KIAA1217: variants seen among roughly 807,000 people sequenced by gnomAD.
KIAA1217 encodes sickle tail protein homolog.
In KIAA1217, 88 loss-of-function variants were observed where a neutral mutation model predicts 163.9. The observed-to-expected ratio is 0.54, with a 90% CI of 0.45 to 0.64. The LOEUF is 0.64. Among genes scored for constraint, KIAA1217 ranks in the 30% least tolerant of loss-of-function variants. The pLI is 0.00. For synonymous variants in KIAA1217, 903 were observed against 923.1 expected (o/e 0.98, Z 0.39); for missense variants, 2,372 against 2,475.0 (o/e 0.96, Z 0.88).
chr10:24,061,473 C>T (rs542834148), intron 2 of KIAA1217, among the ~76,000 whole-genome samples: 2 of 152,224 alleles, frequency 1.3e-5, no homozygotes, highest in South Asian at 4.2e-4. Flanking sequence ...ATATATTTAC[C>T]TTTACCAGTG....
intron 1 of KIAA1217, among the ~76,000 whole-genome samples, chr10:23,764,539 C>T (rs528726832): frequency 6.6e-6 from 1 of 152,214 alleles, no homozygotes; most frequent in South Asian, 2.1e-4. Context: ...AACATGGAAC[C>T]AACCCAAATG....
chr10:23,896,188 G>A (rs1366980930), intron 1 of KIAA1217, among the ~76,000 whole-genome samples: 1 of 151,218 alleles, frequency 6.6e-6, no homozygotes, highest in Non-Finnish European at 1.5e-5. Context: ...ATAATCAAAG[G>A]CAAATGGCTC....
chr10:23,962,182 G>A (rs1170142025), intron 1 of KIAA1217, among the ~76,000 whole-genome samples: 1 of 152,314 alleles, frequency 6.6e-6, no homozygotes, highest in African/African-American at 2.4e-5. Flanking sequence ...GTAGAGTAGT[G>A]AAGAAATGTA....
At chr10:24,187,838 C>G (rs1247431888) in intron 2 of KIAA1217, among the ~76,000 whole-genome samples, 4 of 151,342 alleles carry the variant, frequency 2.6e-5, no homozygotes, top group Non-Finnish European at 5.9e-5. Context: ...TGCAGTGAGC[C>G]AAGATCGCAC....
intron 5 of KIAA1217, among the ~76,000 whole-genome samples, chr10:24,447,126 G>A (rs971941914): frequency 1.2e-4 from 18 of 151,514 alleles, no homozygotes; most frequent in South Asian, 6.3e-4. Flanking sequence ...TCCCTGCCCC[G>A]CTCTCTTTGT....
chr10:24,011,856 G>A (rs1372876184), intron 2 of KIAA1217, among the ~76,000 whole-genome samples: 1 of 152,122 alleles, frequency 6.6e-6, no homozygotes, highest in African/African-American at 2.4e-5. Context: ...AATCATGGCA[G>A]TCTCTGCCAC....
intron 1 of KIAA1217, among the ~76,000 whole-genome samples, chr10:23,872,285 A>G (rs1294081167): frequency 6.8e-6 from 1 of 147,070 alleles, no homozygotes; most frequent in Non-Finnish European, 1.5e-5. Flanking sequence ...TCTGGGTAGG[A>G]CCAATAGATT....
intron 2 of KIAA1217, among the ~76,000 whole-genome samples, chr10:24,305,647 C>T (rs750453223): frequency 6.6e-6 from 1 of 152,154 alleles, no homozygotes; most frequent in Non-Finnish European, 1.5e-5. Flanking sequence ...TAGTTAGCTA[C>T]GTTATGTTTC....
intron 3 of KIAA1217, among the ~76,000 whole-genome samples, chr10:24,416,729 A>G (rs1344591845): frequency 6.6e-6 from 1 of 152,088 alleles, no homozygotes; most frequent in Non-Finnish European, 1.5e-5. Context: ...GCAGCAAGCC[A>G]TCTTCCCTCC....
intron 2 of KIAA1217, among the ~76,000 whole-genome samples, chr10:24,335,610 T>TTATTTATA (rs2046257363): frequency 6.9e-6 from 1 of 145,114 alleles, no homozygotes; most frequent in Non-Finnish European, 1.5e-5. Context: ...ATTTATTTAT[T>TTATTTATA]TATTTATTTA....
intron 2 of KIAA1217, among the ~76,000 whole-genome samples, chr10:24,133,720 G>A (rs2063738931): frequency 1.3e-5 from 2 of 152,280 alleles, no homozygotes; most frequent in South Asian, 4.1e-4. Context: ...TCTTTATATT[G>A]AAGACACCCA....
chr10:23,989,661 C>T (rs1846131122), intron 1 of KIAA1217, among the ~76,000 whole-genome samples: 2 of 152,100 alleles, frequency 1.3e-5, no homozygotes, highest in Non-Finnish European at 2.9e-5. Flanking sequence ...GGTATCAGTT[C>T]CTGTACCCCC....
At chr10:24,531,688 G>A (rs1191385654) in intron 14 of KIAA1217, 142 bp from the exon 15 acceptor site, 3 of 679,648 alleles carry the variant, frequency 4.4e-6, no homozygotes, top group East Asian at 3.1e-5. Flanking sequence ...TCACTCTTTA[G>A]GGTCTATACA....
chr10:24,327,469 A>G (rs929000684), intron 2 of KIAA1217, among the ~76,000 whole-genome samples: 3 of 152,074 alleles, frequency 2.0e-5, no homozygotes, highest in Non-Finnish European at 4.4e-5. Flanking sequence ...TGTCTCTTCA[A>G]TACTCTTTGA....
chr10:23,891,607 C>A (rs1190650164), intron 1 of KIAA1217, among the ~76,000 whole-genome samples: 1 of 151,948 alleles, frequency 6.6e-6, no homozygotes, highest in East Asian at 1.9e-4. Context: ...TAATCATGGG[C>A]TTCGCCTCAT....
chr10:24,105,470 T>C (rs1466587879), intron 2 of KIAA1217, among the ~76,000 whole-genome samples: 1 of 152,136 alleles, frequency 6.6e-6, no homozygotes, highest in African/African-American at 2.4e-5. Context: ...GAGGATGAAA[T>C]GTCCCTAACA....
At chr10:24,138,520 A>G (rs2063922627) in intron 2 of KIAA1217, among the ~76,000 whole-genome samples, 1 of 151,790 alleles carries the variant, frequency 6.6e-6, no homozygotes, top group Non-Finnish European at 1.5e-5. Context: ...ATGTGTTTTT[A>G]TGTTATTGTA....
chr10:23,794,851 G>A (rs1429957398), intron 1 of KIAA1217, among the ~76,000 whole-genome samples: 2 of 152,210 alleles, frequency 1.3e-5, no homozygotes, highest in Admixed American at 1.3e-4. Flanking sequence ...TTGTCAAAAG[G>A]CATTTGGCTA....
intron 2 of KIAA1217, among the ~76,000 whole-genome samples, chr10:24,062,516 ATT>A (rs888790983): frequency 6.6e-6 from 1 of 150,608 alleles, no homozygotes; most frequent in African/African-American, 2.5e-5. Flanking sequence ...TATGTGCCAC[ATT>A]TTCTTAATCC....
Sources: allele counts gnomAD v4.1 joint callset (sites outside exome capture counted in the v4.1 genomes callset), GRCh38; gene constraint gnomAD v4.1.1; transcripts MANE v1.5; gene names NCBI Gene and HGNC (gene_info 2026-07-23, HGNC 2026-07-21).